Variants in XPOT observed in about 807,000 individuals in gnomAD.
XPOT encodes the protein exportin-T.
In XPOT, 34 loss-of-function variants were observed where a neutral mutation model predicts 128.2. The observed-to-expected ratio is 0.27, with a 90% confidence interval of 0.20 to 0.35. XPOT has a LOEUF of 0.35. Ranked by LOEUF, XPOT falls within the 10% of genes least tolerant of loss-of-function variation. The probability of loss-of-function intolerance (pLI) is 1.00; values close to 1 mark genes in which losing one functional copy is unlikely to be tolerated. For missense variants in XPOT, 838 were observed against 1,125.3 expected, an observed-to-expected ratio of 0.74 and a Z score of 3.65; for synonymous variants, 348 against 394.3, an observed-to-expected ratio of 0.88 and a Z score of 1.39.
chr12:64,415,738 A>T (rs1024688985), intron 3 of XPOT, among the ~76,000 whole-genome samples: 3 of 152,162 alleles, frequency 2.0e-5, no homozygotes, highest in African/African-American at 7.2e-5. Flanking sequence ...CAATCTTTTA[A>T]TATTGGACCA....
chr12:64,421,298 A>T lies in XPOT; in HGVS notation c.907A>T (p.Ile303Leu). Residue 303 changes from isoleucine (I) to leucine (L), a missense_variant, in exon 9 of 25, where the codon ATA (isoleucine) becomes TTA (leucine). Physicochemically the swap from Ile to Leu is conservative, Grantham distance 5. Coordinates refer to ENST00000332707, the MANE Select transcript of XPOT (RefSeq NM_007235.6). ...GGTAAATGGAATGGGACAGTCATTG[A>T]TAGTTAGTTGGAGTAAATTAATTAA... is the stretch of plus-strand genomic sequence containing the variant. The part of the protein sequence containing the change: ...KLVNGMGQSL[I>L]VSWSKLIKNG... 6.2e-7 allele frequency: 1 copy of T among 1,613,998 alleles called. No homozygotes were observed. Among genetic ancestry groups the T allele is most frequent in the Non-Finnish European group, 8.5e-7 (1 of 1,179,924 alleles).
rs2040266962 is a variant in XPOT, at chr12:64,434,537, C to T, written c.2483C>T (p.Thr828Ile). 1 of 1,613,696 alleles carries T rather than the reference C, an allele frequency of 6.2e-7. No individual in the cohort carries two copies. Among genetic ancestry groups the T allele is most frequent in the Non-Finnish European group, 8.5e-7 (1 of 1,179,830 alleles). Residue 828 changes from threonine (T) to isoleucine (I), a missense_variant, in exon 20 of 25, where the codon ACT (threonine) becomes ATT (isoleucine). Physicochemically the swap from Thr to Ile is moderately conservative, Grantham distance 89 (BLOSUM62 -1). Around this residue, in one of 3 missense-constraint regions of XPOT, gnomAD observed 761 missense variants for 988.3 expected, o/e 0.77. Transcript: ENST00000332707. Reference sequence around the variant, plus strand: ...GAGAATGTAGAAAGAGTGTTGGTTACTGTTATCCAAGGAGCAGTTGAATAT... The same window carrying T: ...GAGAATGTAGAAAGAGTGTTGGTTATTGTTATCCAAGGAGCAGTTGAATAT... ...GAENVERVLV[T>I]VIQGAVEYPD...
At chr12:64,411,314 T>A (rs563298034) in intron 2 of XPOT, among the ~76,000 whole-genome samples, 36 of 152,230 alleles carry the variant, frequency 2.4e-4, no homozygotes, top group Non-Finnish European at 4.0e-4. Context: ...ATGCTTGTAA[T>A]TAAAAGCCTT....
intron 21 of XPOT, 143 bp from the exon 22 acceptor site, chr12:64,435,484 C>T: frequency 1.7e-6 from 1 of 586,634 alleles, no homozygotes; most frequent in African/African-American, 1.9e-5. Context: ...ACCTTTCCTT[C>T]CTCTATCCCT....
At chr12:64,409,115 T>C (rs2040011500) in intron 1 of XPOT, among the ~76,000 whole-genome samples, 1 of 152,220 alleles carries the variant, frequency 6.6e-6, no homozygotes, top group African/African-American at 2.4e-5. Flanking sequence ...CATTATCCTG[T>C]TCCTTTCATT....
intron 17 of XPOT, among the ~76,000 whole-genome samples, chr12:64,430,496 C>A (rs565539320): frequency 1.3e-5 from 2 of 152,322 alleles, no homozygotes; most frequent in African/African-American, 4.8e-5. Context: ...AACTGTAAAT[C>A]TTTAACTCCT....
intron 24 of XPOT, among the ~76,000 whole-genome samples, chr12:64,446,448 TTC>T (rs900373533): frequency 3.3e-5 from 5 of 152,324 alleles, no homozygotes; most frequent in African/African-American, 1.2e-4. Context: ...TTTCCTCATC[TTC>T]TCTCTCTTCT....
intron 2 of XPOT, among the ~76,000 whole-genome samples, chr12:64,412,374 T>C (rs1335311658): frequency 6.6e-6 from 1 of 152,142 alleles, no homozygotes; most frequent in Non-Finnish European, 1.5e-5. Context: ...AAACCTGTTA[T>C]TATTTAAAGA....
At position 64,424,674 on chromosome 12, in the gene XPOT, C is replaced by A. The variant is rs763942198; in HGVS notation, c.1258C>A (p.Pro420Thr). The A allele has an allele frequency of 6.2e-7, 1 of 1,613,092 alleles. No homozygotes were observed. Among genetic ancestry groups the A allele is most frequent in the Non-Finnish European group, 8.5e-7 (1 of 1,179,988 alleles). Reference sequence around the variant, plus strand: ...GTTGGACAGGCTTGCTCAAGTTTCACCAGAGTTACTACTGGCCTCTGTTCG... The same window carrying A: ...GTTGGACAGGCTTGCTCAAGTTTCAACAGAGTTACTACTGGCCTCTGTTCG... ...LLLDRLAQVS[P>T]ELLLASVRRV... The change falls in exon 12 of 25, where the codon CCA becomes ACA. Residue 420 changes from proline to threonine, a missense_variant. Around this residue, in one of 3 missense-constraint regions of XPOT, gnomAD observed 761 missense variants for 988.3 expected, o/e 0.77. Transcript: ENST00000332707.
intron 2 of XPOT, among the ~76,000 whole-genome samples, chr12:64,414,280 A>G (rs2040066995): frequency 6.6e-6 from 1 of 152,212 alleles, no homozygotes; most frequent in South Asian, 2.1e-4. Flanking sequence ...CTGAATTCAT[A>G]AACTTAGAGA....
Position 64,428,109 on chromosome 12 carries a change from C to T in XPOT, c.1726C>T (p.Leu576Phe). The T allele has an allele frequency of 6.4e-7, 1 of 1,556,720 alleles. No homozygotes were observed. Among genetic ancestry groups the T allele is most frequent in the Non-Finnish European group, 8.8e-7 (1 of 1,130,274 alleles). ...GAATAGAATACAAGATTTATTAGAG[C>T]TTTCTCCACCTGTAAGTATCTGTCT... The part of the protein sequence containing the change: ...ILNRIQDLLE[L>F]SPPENGHQSL... The change falls in exon 16 of 25, where the codon CTT becomes TTT. Residue 576 changes from leucine (L) to phenylalanine (F), a missense_variant. Physicochemically the swap from Leu to Phe is conservative, Grantham distance 22 (BLOSUM62 0). Transcript: ENST00000332707.
chr12:64,432,914 C>T (rs1177836266), intron 18 of XPOT, among the ~76,000 whole-genome samples: 2 of 152,004 alleles, frequency 1.3e-5, no homozygotes, highest in African/African-American at 4.8e-5. Context: ...ATTTAATGAT[C>T]TTGAGTCTTT....
In XPOT at chr12:64,434,570, C is replaced by T; in HGVS notation, c.2516C>T (p.Pro839Leu). The change falls in exon 20 of 25, where the codon CCA becomes CTA. Residue 839 changes from proline (P) to leucine (L), a missense_variant. Pro to Leu is a moderately conservative substitution (Grantham distance 98). Around this residue, in one of 3 missense-constraint regions of XPOT, gnomAD observed 761 missense variants for 988.3 expected, o/e 0.77. Transcript: ENST00000332707. ...CAAGGAGCAGTTGAATATCCAGATCCAATTGCACAGAAAACATGTTTTATC... is the reference window on the plus strand; with the variant it reads ...CAAGGAGCAGTTGAATATCCAGATCTAATTGCACAGAAAACATGTTTTATC... ...VIQGAVEYPD[P>L]IAQKTCFIIL... 1 of 1,613,818 alleles carries T rather than the reference C, an allele frequency of 6.2e-7. No individual in the cohort carries two copies.
At chr12:64,417,280 A>G (rs1265669069) in intron 4 of XPOT, among the ~76,000 whole-genome samples, 2 of 152,178 alleles carry the variant, frequency 1.3e-5, no homozygotes, top group African/African-American at 4.8e-5. Flanking sequence ...GCAGTGGCTC[A>G]TGCCTATGAT....
Position 64,425,870 on chromosome 12 carries a change from G to A in XPOT, c.1628G>A (p.Arg543Lys), listed in dbSNP as rs2040188074. 1.2e-6 allele frequency: 2 copies of A among 1,614,012 alleles called. No homozygotes were observed. Among genetic ancestry groups the A allele is most frequent in the Non-Finnish European group, 1.7e-6 (2 of 1,180,030 alleles). The change falls in exon 15 of 25, where the codon AGG (arginine) becomes AAG (lysine). Residue 543 changes from arginine (R) to lysine (K), a missense_variant. Physicochemically the swap from Arg to Lys is conservative, Grantham distance 26 (BLOSUM62 2). Transcript: ENST00000332707. Reference protein sequence around the residue: ...LRHSSAKVRSRTAYLFSRFVK... With the variant: ...LRHSSAKVRSKTAYLFSRFVK... Reference sequence around the variant, plus strand: ...CATTCCAGTGCAAAAGTTCGGAGCAGGACGGCTTACCTGTTTTCTAGATTT... The same window carrying A: ...CATTCCAGTGCAAAAGTTCGGAGCAAGACGGCTTACCTGTTTTCTAGATTT...
chr12:64,447,399 T>A (rs2040374690), intron 24 of XPOT, among the ~76,000 whole-genome samples: 1 of 152,252 alleles, frequency 6.6e-6, no homozygotes, highest in Non-Finnish European at 1.5e-5. Flanking sequence ...GGAAGTACTT[T>A]TGAATCATCA....
chr12:64,434,084 C>G (rs575399108), intron 19 of XPOT, among the ~76,000 whole-genome samples: 1 of 152,092 alleles, frequency 6.6e-6, no homozygotes, highest in Non-Finnish European at 1.5e-5. Flanking sequence ...GGTGTCATCA[C>G]GACTCATTGC....
At chr12:64,427,209 T>C (rs550679490) in intron 15 of XPOT, among the ~76,000 whole-genome samples, 4 of 146,412 alleles carry the variant, frequency 2.7e-5, no homozygotes, top group East Asian at 2.2e-4. Context: ...AACCCCTGCC[T>C]CCTGGGTTGA....
intron 22 of XPOT, 84 bp from the exon 23 acceptor site, chr12:64,439,159 TA>T (rs1320488983): frequency 1.5e-6 from 2 of 1,313,522 alleles, no homozygotes; most frequent in African/African-American, 1.5e-5. Context: ...ATATTGCCTT[TA>T]AAGTGTACAT....
Sources: gnomAD v4.1 joint callset for allele counts (sites outside exome capture counted in the v4.1 genomes callset) on GRCh38, gnomAD v4.1.1 for gene constraint, gnomAD v4.1.1 regional missense constraint, MANE v1.5 for transcripts, NCBI Gene and HGNC (gene_info 2026-07-23, HGNC 2026-07-21) for gene names.